PCDH9: variants seen among roughly 807,000 people sequenced by gnomAD.
PCDH9 encodes the protein protocadherin-9.
In PCDH9, 24 loss-of-function variants were observed where a neutral mutation model predicts 70.6. The ratio of observed to expected loss-of-function variants is 0.34; its 90% confidence interval spans 0.25 to 0.48. PCDH9 has a LOEUF of 0.48. Among genes scored for constraint, PCDH9 ranks in the 20% least tolerant of loss-of-function variants. PCDH9 has a pLI of 0.99. For synonymous variants in PCDH9, 562 were observed against 558.5 expected (o/e 1.01, Z -0.09); for missense variants, 1,281 against 1,503.6 (o/e 0.85, Z 2.45).
chr13:66,959,228 T>C (rs1265736805), intron 2 of PCDH9, among the ~76,000 whole-genome samples: 3 of 152,190 alleles, frequency 2.0e-5, no homozygotes, highest in Non-Finnish European at 4.4e-5. Context: ...AGATGTCACT[T>C]AGAGCCTCCA....
chr13:67,024,321 C>T (rs559316516), intron 2 of PCDH9, among the ~76,000 whole-genome samples: 1 of 152,070 alleles, frequency 6.6e-6, no homozygotes, highest in Non-Finnish European at 1.5e-5. Context: ...TGGGTAACTA[C>T]AGTAATGCTC....
intron 2 of PCDH9, among the ~76,000 whole-genome samples, chr13:67,151,127 C>T (rs9564375): frequency 0.13 from 19,430 of 152,038 alleles, 1,468 homozygotes; most frequent in East Asian, 0.19. Context: ...TCATCCTCTT[C>T]TTGAGGGTCT....
chr13:66,719,740 T>C (rs1427606851), intron 3 of PCDH9, among the ~76,000 whole-genome samples: 1 of 152,232 alleles, frequency 6.6e-6, no homozygotes, highest in Non-Finnish European at 1.5e-5. Flanking sequence ...ATAAAATATT[T>C]GAAAGATATT....
intron 2 of PCDH9, among the ~76,000 whole-genome samples, chr13:67,174,036 AT>A (rs1243287076): frequency 1.3e-5 from 2 of 152,034 alleles, no homozygotes; most frequent in Non-Finnish European, 2.9e-5. Context: ...GTATTATTTT[AT>A]TTTCTAGATG....
chr13:66,429,309 T>A (rs534287570), intron 4 of PCDH9, among the ~76,000 whole-genome samples: 93 of 151,872 alleles, frequency 6.1e-4, no homozygotes, highest in African/African-American at 2.0e-3. Flanking sequence ...CAAGCTAATG[T>A]CATTTCCCAA....
intron 3 of PCDH9, among the ~76,000 whole-genome samples, chr13:66,717,970 C>G (rs2078893350): frequency 6.6e-6 from 1 of 152,112 alleles, no homozygotes; most frequent in African/African-American, 2.4e-5. Context: ...CATACTGTTG[C>G]TATTCATAGC....
chr13:66,483,449 A>G (rs1179198317), intron 4 of PCDH9, among the ~76,000 whole-genome samples: 1 of 152,218 alleles, frequency 6.6e-6, no homozygotes, highest in Non-Finnish European at 1.5e-5. Flanking sequence ...GGGTGAAGGA[A>G]GTTCCTATTA....
chr13:66,829,911 C>T (rs1413698198), intron 3 of PCDH9, among the ~76,000 whole-genome samples: 1 of 151,614 alleles, frequency 6.6e-6, no homozygotes, highest in East Asian at 1.9e-4. Context: ...GACCCTAAGG[C>T]TAACACATGT....
intron 2 of PCDH9, among the ~76,000 whole-genome samples, chr13:66,946,223 A>T (rs1317894513): frequency 1.3e-5 from 2 of 152,172 alleles, no homozygotes; most frequent in African/African-American, 4.8e-5. Flanking sequence ...AAATCCTACA[A>T]AAGGGAATAT....
intron 3 of PCDH9, among the ~76,000 whole-genome samples, chr13:66,791,176 A>T (rs142199579): frequency 6.6e-6 from 1 of 152,164 alleles, no homozygotes; most frequent in African/African-American, 2.4e-5. Flanking sequence ...GATCCTTTGC[A>T]CATAAACACA....
intron 3 of PCDH9, among the ~76,000 whole-genome samples, chr13:66,784,615 T>C (rs1300311676): frequency 1.3e-5 from 2 of 152,188 alleles, no homozygotes; most frequent in Non-Finnish European, 2.9e-5. Flanking sequence ...GTTTCAAACA[T>C]TAAAATCATG....
At chr13:66,628,809 T>G (rs188486743) in intron 4 of PCDH9, among the ~76,000 whole-genome samples, 6 of 152,234 alleles carry the variant, frequency 3.9e-5, no homozygotes, top group Non-Finnish European at 5.9e-5. Context: ...ATAGTGAAGG[T>G]ATATATAACA....
intron 2 of PCDH9, among the ~76,000 whole-genome samples, chr13:67,176,695 C>A (rs941414368): frequency 6.6e-6 from 1 of 151,934 alleles, no homozygotes; most frequent in East Asian, 1.9e-4. Context: ...TATTTCCCCC[C>A]TCTTTATGTA....
In PCDH9 at chr13:66,443,652, A is replaced by C. The variant is rs900245842; in HGVS notation, c.3341-138624T>G. On this transcript the variant is annotated intron_variant, in intron 4 of 4. Coordinates refer to ENST00000377865, the MANE Select transcript of PCDH9 (RefSeq NM_203487.3). The stretch of plus-strand genomic sequence containing the variant: ...TTTTACATGAAATGATTACATGAAG[A>C]GTTTTTAAATTAAGAGCTTGTCTTC... 4.6e-5 allele frequency among the ~76,000 whole-genome samples: 7 copies of C among 152,134 alleles called. No homozygotes were observed. The East Asian group carries it at 9.6e-4, about 21-fold the overall frequency.
At chr13:66,901,347 A>G (rs1002052407) in intron 3 of PCDH9, among the ~76,000 whole-genome samples, 3 of 151,812 alleles carry the variant, frequency 2.0e-5, no homozygotes, top group Admixed American at 6.6e-5. Context: ...TATTTAACAC[A>G]GAAAGATATT....
intron 4 of PCDH9, among the ~76,000 whole-genome samples, chr13:66,478,629 G>A (rs1051027351): frequency 1.3e-5 from 2 of 152,092 alleles, no homozygotes; most frequent in African/African-American, 4.8e-5. Flanking sequence ...AGATCAAACT[G>A]GCCACAACTT....
At chr13:66,463,924 T>A (rs1958469794) in intron 4 of PCDH9, among the ~76,000 whole-genome samples, 1 of 151,716 alleles carries the variant, frequency 6.6e-6, no homozygotes, top group African/African-American at 2.4e-5. Flanking sequence ...TATGATTAGA[T>A]GTCTAGGGGA....
intron 2 of PCDH9, among the ~76,000 whole-genome samples, chr13:67,009,143 T>A (rs1459028662): frequency 1.3e-5 from 2 of 152,112 alleles, no homozygotes; most frequent in Non-Finnish European, 2.9e-5. Context: ...TAGGGCCTCG[T>A]TAAAACGCAG....
intron 4 of PCDH9, among the ~76,000 whole-genome samples, chr13:66,555,752 TG>T (rs1315773513): frequency 8.1e-6 from 1 of 124,158 alleles, no homozygotes; most frequent in African/African-American, 2.8e-5. Context: ...AACCTTTGAA[TG>T]CAATGTAAAA....
Sources: gnomAD v4.1 joint callset for allele counts (sites outside exome capture counted in the v4.1 genomes callset) on GRCh38, gnomAD v4.1.1 for gene constraint, MANE v1.5 for transcripts, NCBI Gene and HGNC (gene_info 2026-07-23, HGNC 2026-07-21) for gene names.